The following ZNF680 variants were observed in gnomAD, a reference collection of about 807,000 sequenced individuals.
The protein encoded by ZNF680 is zinc finger protein 680, also known as hypothetical protein FLJ90430.
ZNF680 carries 6 observed loss-of-function variants against 12.1 expected under a neutral mutation model. That is an observed-to-expected ratio of 0.49 (90% CI 0.27 to 0.98). ZNF680 has a LOEUF of 0.98. ZNF680 is among the 50% of genes least tolerant of loss of function. ZNF680 has a pLI of 0.12. For missense variants in ZNF680, 561 were observed against 616.3 expected, an observed-to-expected ratio of 0.91 and a Z score of 0.95; for synonymous variants, 170 against 199.3, an observed-to-expected ratio of 0.85 and a Z score of 1.24.
At chr7:64,503,619 G>A in the ZNF680 span, among the ~76,000 whole-genome samples, 5 of 152,076 alleles carry the variant, frequency 3.3e-5, no homozygotes, top group Non-Finnish European at 5.9e-5. Flanking sequence ...GACCTCAGGC[G>A]ATCCGCCCAC....
chr7:64,519,335 A>T (rs1041959420), downstream of ZNF680, among the ~76,000 whole-genome samples: 3 of 151,888 alleles, frequency 2.0e-5, no homozygotes, highest in Non-Finnish European at 4.4e-5. Flanking sequence ...AAAATAAAAA[A>T]ATATAGTGTT....
At chr7:64,546,106 G>A (rs1006483647) in intron 1 of ZNF680, among the ~76,000 whole-genome samples, 2 of 152,158 alleles carry the variant, frequency 1.3e-5, no homozygotes, top group Non-Finnish European at 2.9e-5. Context: ...TCATTAGGGA[G>A]GAAAAGATTG....
chr7:64,542,527 A>C (rs1317045764), intron 3 of ZNF680, among the ~76,000 whole-genome samples: 1 of 152,186 alleles, frequency 6.6e-6, no homozygotes, highest in East Asian at 1.9e-4. Flanking sequence ...AAATTAGCAA[A>C]ATATAAAATT....
Position 64,543,726 on chromosome 7 carries a change from C to A in ZNF680, c.234G>T (p.Glu78Asp), listed in dbSNP as rs1786629048. The A allele has an allele frequency of 6.2e-7, 1 of 1,613,540 alleles. No homozygotes were observed. Among genetic ancestry groups the A allele is most frequent in the African/African-American group, 1.3e-5 (1 of 74,904 alleles). The change falls in exon 3 of 4, where the codon GAG becomes GAT. Residue 78 changes from glutamate (E) to aspartate (D), a missense_variant. Coordinates refer to ENST00000309683, the MANE Select transcript of ZNF680 (RefSeq NM_178558.5). Reference sequence around the variant, plus strand: ...ACCTACCTGGGGGTTTGGCTACCATCTCCTGTCTCTTCCTATTCCAGGGCT... The same window carrying A: ...ACCTACCTGGGGGTTTGGCTACCATATCCTGTCTCTTCCTATTCCAGGGCT... ...GKEPWNRKRQ[E>D]MVAKPPVIYS... is the part of the protein sequence containing the mutation.
the ZNF680 span, among the ~76,000 whole-genome samples, chr7:64,512,957 G>A: frequency 5.3e-5 from 8 of 152,254 alleles, no homozygotes; most frequent in East Asian, 1.2e-3. Context: ...TCTTCAAAAT[G>A]TAAATAGGTA....
Position 64,521,860 on chromosome 7 carries a change from T to G in ZNF680, c.894A>C (p.Glu298Asp), listed in dbSNP as rs149100081. 511 of 1,613,528 alleles carry G rather than the reference T, an allele frequency of 3.2e-4. 2 individuals are homozygous for G. In the African/African-American group the frequency reaches 5.5e-3, roughly 17 times the overall value. ...CAAACCAGTTAAAGGCTTTGTGACA[T>G]TCATCACATTTGTAAGGTTTGTCTC... Reference protein sequence around the residue: ...HTGDKPYKCDECHKAFNWFAT... With the variant: ...HTGDKPYKCDDCHKAFNWFAT... The change falls in exon 4 of 4, where the codon GAA becomes GAC. Residue 298 changes from glutamate to aspartate, a missense_variant. Physicochemically the swap from Glu to Asp is conservative, Grantham distance 45. Coordinates refer to ENST00000309683, the MANE Select transcript of ZNF680 (RefSeq NM_178558.5).
chr7:64,554,728 A>C (rs375631185), intron 1 of ZNF680, among the ~76,000 whole-genome samples: 4 of 152,286 alleles, frequency 2.6e-5, no homozygotes, highest in Middle Eastern at 3.4e-3. Flanking sequence ...TGTGTCCACT[A>C]AGGGTTAAAT....
the ZNF680 span, among the ~76,000 whole-genome samples, chr7:64,501,997 C>CTTTTTTTTT: frequency 5.0e-4 from 52 of 104,504 alleles, no homozygotes; most frequent in East Asian, 1.5e-3. Flanking sequence ...GGACGTATTT[C>CTTTTTTTTT]TTTTTTTTTT....
the ZNF680 span, among the ~76,000 whole-genome samples, chr7:64,509,563 T>C: frequency 1.4e-4 from 22 of 152,174 alleles, no homozygotes; most frequent in African/African-American, 5.1e-4. Context: ...ACTGGGGCCA[T>C]AGCAAGGAAA....
At chr7:64,547,988 C>A (rs1165681918) in intron 1 of ZNF680, among the ~76,000 whole-genome samples, 2 of 152,128 alleles carry the variant, frequency 1.3e-5, no homozygotes, top group Non-Finnish European at 2.9e-5. Context: ...TGGGGTCAGA[C>A]CTAAGTAAGG....
intron 1 of ZNF680, among the ~76,000 whole-genome samples, chr7:64,545,157 G>A (rs1185443637): frequency 6.6e-6 from 1 of 151,520 alleles, no homozygotes; most frequent in Non-Finnish European, 1.5e-5. Flanking sequence ...CCAGCTACTT[G>A]GGAGGCTGAG....
chr7:64,527,676 C>T (rs1791941295), intron 3 of ZNF680, among the ~76,000 whole-genome samples: 1 of 150,974 alleles, frequency 6.6e-6, no homozygotes, highest in South Asian at 2.1e-4. Context: ...GCCTGAGCAA[C>T]AACAGCAAAA....
intron 1 of ZNF680, among the ~76,000 whole-genome samples, chr7:64,557,269 C>T (rs897040424): frequency 2.7e-5 from 4 of 145,514 alleles, no homozygotes; most frequent in Non-Finnish European, 4.5e-5. Context: ...AAAAAATTTA[C>T]CATAAGGCCA....
At chr7:64,507,824 AACACACACAC>A in the ZNF680 span, among the ~76,000 whole-genome samples, 3,995 of 136,406 alleles carry the variant, frequency 0.029, 118 homozygotes, top group East Asian at 0.092. Flanking sequence ...AATTCCAGGA[AACACACACAC>A]ACACACACAC....
the ZNF680 span, among the ~76,000 whole-genome samples, chr7:64,511,789 C>A: frequency 2.0e-4 from 31 of 151,942 alleles, no homozygotes; most frequent in South Asian, 1.0e-3. Context: ...CTAGGCACAG[C>A]AGCTCATGCC....
intron 3 of ZNF680, among the ~76,000 whole-genome samples, chr7:64,540,751 ATAAC>A (rs1786460889): frequency 6.9e-6 from 1 of 144,096 alleles, no homozygotes; most frequent in African/African-American, 2.5e-5. Context: ...CTGCAAAACA[ATAAC>A]TAAAGAAGTT....
chr7:64,554,438 C>A (rs1315082800), intron 1 of ZNF680, among the ~76,000 whole-genome samples: 3 of 152,030 alleles, frequency 2.0e-5, no homozygotes, highest in Non-Finnish European at 2.9e-5. Flanking sequence ...CCGGCCGCTG[C>A]CCCGTCTGGG....
intron 3 of ZNF680, among the ~76,000 whole-genome samples, chr7:64,542,442 C>T (rs995357449): frequency 6.6e-5 from 10 of 152,088 alleles, no homozygotes; most frequent in African/African-American, 2.2e-4. Flanking sequence ...TGCTGCTTAT[C>T]GATCATATGC....
chr7:64,524,138 C>A (rs1400761694), intron 3 of ZNF680, among the ~76,000 whole-genome samples: 5 of 144,540 alleles, frequency 3.5e-5, no homozygotes, highest in East Asian at 2.0e-4. Flanking sequence ...TCCAAAGAGA[C>A]AAAGAAGAAT....
Sources: gnomAD v4.1 joint callset for allele counts (sites outside exome capture counted in the v4.1 genomes callset) on GRCh38, gnomAD v4.1.1 for gene constraint, MANE v1.5 for transcripts, NCBI Gene and HGNC (gene_info 2026-07-23, HGNC 2026-07-21) for gene names.